Variants in UNC13D observed in about 807,000 individuals in gnomAD.
The protein encoded by UNC13D is unc-13 homolog D.
Under a neutral mutation model 151.7 loss-of-function variants are expected in UNC13D, and 115 were observed. That is an observed-to-expected ratio of 0.76 (90% CI 0.65 to 0.88). The LOEUF is 0.88. Among genes scored for constraint, UNC13D ranks in the 40% least tolerant of loss-of-function variants. The pLI is 0.00. For missense variants in UNC13D, 1,369 were observed against 1,438.7 expected (o/e 0.95, Z 0.78); for synonymous variants, 588 against 612.2 (o/e 0.96, Z 0.58).
At position 75,830,039 on chromosome 17, in the gene UNC13D, C is replaced by T. The variant is rs35628234; in HGVS notation, c.2943G>A (p.Glu981=). Residue 981 remains glutamate (E), a synonymous_variant, in exon 30 of 32, where the codon GAG becomes GAA. Coordinates refer to ENST00000207549, the MANE Select transcript of UNC13D (RefSeq NM_199242.3). Reference sequence around the variant, plus strand: ...CGGGACCCACTCACAATTCAAAGGTCTCATCAAACAATGGGTGAAGGTCCT... The same window carrying T: ...CGGGACCCACTCACAATTCAAAGGTTTCATCAAACAATGGGTGAAGGTCCT... The part of the protein sequence containing the change: ...HKKDLHPLFD[E]TFEFLVPAEP... 0.049 allele frequency: 77,987 copies of T among 1,577,316 alleles called. 2,567 individuals are homozygous for T. Among genetic ancestry groups the T allele is most frequent in the African/African-American group, 0.14 (10,752 of 74,552 alleles).
rs1315846484 is a variant in UNC13D, at chr17:75,832,832, A to AG, written c.2447+133dup. 1 of 770,378 alleles carries AG rather than the reference A, an allele frequency of 1.3e-6. No homozygotes were observed. Among genetic ancestry groups the AG allele is most frequent in the East Asian group, 2.8e-5 (1 of 35,496 alleles). The allele number at this position is 770,378 out of a possible 1,614,324, so 47.7% of individuals were successfully genotyped here. On this transcript the variant is annotated intron_variant, in intron 25 of 31. Coordinates refer to ENST00000207549, the MANE Select transcript of UNC13D (RefSeq NM_199242.3). The surrounding 1 kb of genome is among the most constrained non-coding windows in gnomAD (Gnocchi z 4.3). The stretch of plus-strand genomic sequence containing the variant: ...CAGGAAAGAGGGGCCGTGGGAGGAG[A>AG]GGGGGAGGTGGCGAGCGCGCCCAGG...
At chr17:75,842,786 C>T in intron 5 of UNC13D, 71 bp downstream of exon 5, 1 of 1,605,906 alleles carries the variant, frequency 6.2e-7, no homozygotes, top group African/African-American at 1.3e-5. Context: ...CGCCAAGAGT[C>T]CTGGGCCAGG....
Position 75,840,170 on chromosome 17 carries a change from C to T in UNC13D, c.858+55G>A. On this transcript the variant is annotated intron_variant, in intron 10 of 31. Transcript: ENST00000207549. The surrounding 1 kb of genome is among the most constrained non-coding windows in gnomAD (Gnocchi z 4.6). ...ACACTGGGTGCAGCCAGCCCCGCAA[C>T]CCAGCAGACCGCCGCAAGAGCTGGG... 4 of 1,612,250 alleles carry T rather than the reference C, an allele frequency of 2.5e-6. No individual in the cohort carries two copies. Among genetic ancestry groups the T allele is most frequent in the Non-Finnish European group, 3.4e-6 (4 of 1,179,154 alleles).
At position 75,827,487 on chromosome 17, in the gene UNC13D, C is replaced by T. The variant is rs905634237; in HGVS notation, c.*478G>A. The T allele has an allele frequency of 3.3e-6, 5 of 1,493,646 alleles. No homozygotes were observed. Among genetic ancestry groups the T allele is most frequent in the Non-Finnish European group, 4.4e-6 (5 of 1,123,796 alleles). The allele number at this position is 1,493,646 out of a possible 1,614,324, so 92.5% of individuals were successfully genotyped here. A position where few individuals can be genotyped will look rare whatever the true frequency, so the allele number is the denominator to read the frequency against. On this transcript the variant is annotated 3_prime_UTR_variant, in exon 32 of 32. Coordinates refer to ENST00000207549, the MANE Select transcript of UNC13D (RefSeq NM_199242.3). Reference sequence around the variant, plus strand: ...GGCCCCCTCTAGTAATGGCCACCACCCTCCCCCCAGGGCAGCTGGAGCCTC... The same window carrying T: ...GGCCCCCTCTAGTAATGGCCACCACTCTCCCCCCAGGGCAGCTGGAGCCTC...
At position 75,844,386 on chromosome 17, in the gene UNC13D, C is replaced by CGAA; in HGVS notation, c.-52_-50dup. ...GTCCGCTGGTGCTGGGTGAAGACAG[C>CGAA]GAAGCCACAGGATTATGCAAAGAGC... On this transcript the variant is annotated 5_prime_UTR_variant, in exon 1 of 32. Transcript: ENST00000207549. 6.4e-7 allele frequency: 1 copy of CGAA among 1,558,160 alleles called. No homozygotes were observed.
chr17:75,843,843 A>G, intron 1 of UNC13D: 1 of 1,372,282 alleles, frequency 7.3e-7, no homozygotes, highest in Non-Finnish European at 9.4e-7. Flanking sequence ...GAGGCTCGGC[A>G]GCGGAGGTGA....
intron 20 of UNC13D, 117 bp downstream of exon 20, chr17:75,835,292 C>T: frequency 7.0e-7 from 1 of 1,427,850 alleles, no homozygotes; most frequent in Non-Finnish European, 9.5e-7. Context: ...CTCAAGTGCA[C>T]CCAAAAGGGA....
intron 29 of UNC13D, 48 bp from the exon 30 acceptor site, chr17:75,830,199 C>T (rs1226098473): frequency 1.3e-6 from 2 of 1,569,656 alleles, no homozygotes; most frequent in African/African-American, 1.4e-5. Flanking sequence ...CTCCCAGGCA[C>T]CCCACCCCAG....
intron 21 of UNC13D, 47 bp from the exon 22 acceptor site, chr17:75,834,763 C>A (rs780223772): frequency 1.2e-6 from 2 of 1,609,052 alleles, no homozygotes; most frequent in Non-Finnish European, 1.7e-6. Flanking sequence ...GTGGGGCATC[C>A]AGGAAGGGCA....
chr17:75,831,164 C>T lies in UNC13D; in HGVS notation c.2559G>A (p.Leu853=). 1 of 1,614,106 alleles carries T rather than the reference C, an allele frequency of 6.2e-7. No individual in the cohort carries two copies. The highest frequency in any genetic ancestry group is 8.5e-7 in the Non-Finnish European group (1 of 1,180,050). ...SNRLKIALQN[L]EICFHAEGCG... ...AGCCCTCAGCGTGGAAGCAGATCTC[C>T]AGGTTCTGGGGGAGATATCAGAGGT... Residue 853 remains leucine, a synonymous_variant, in exon 27 of 32, where the codon CTG becomes CTA. Transcript: ENST00000207549.
intron 25 of UNC13D, 34 bp from the exon 26 acceptor site, chr17:75,831,382 C>T (rs1567817240): frequency 8.2e-6 from 13 of 1,583,992 alleles, no homozygotes; most frequent in South Asian, 2.2e-5. Context: ...GGACACAGCA[C>T]GGCAGGGCGG....
chr17:75,841,413 G>A (rs1363552418), intron 6 of UNC13D, among the ~76,000 whole-genome samples: 1 of 149,000 alleles, frequency 6.7e-6, no homozygotes, highest in South Asian at 2.1e-4. Flanking sequence ...AAAGTGCTGG[G>A]ATTACAAGCG....
In UNC13D at chr17:75,840,242, G is replaced by C. The variant is rs2064938286; in HGVS notation, c.841C>G (p.Gln281Glu). The C allele has an allele frequency of 2.5e-6, 4 of 1,614,036 alleles. No homozygotes were observed. Among genetic ancestry groups the C allele is most frequent in the Non-Finnish European group, 2.5e-6 (3 of 1,180,020 alleles). The change falls in exon 10 of 32, where the codon CAA (glutamine) becomes GAA (glutamate). Residue 281 changes from glutamine (Q) to glutamate (E), a missense_variant. Physicochemically the swap from Gln to Glu is conservative, Grantham distance 29. This residue lies in a region of UNC13D where 550 missense variants were observed against 609.0 expected (regional missense o/e 0.90). Coordinates refer to ENST00000207549, the MANE Select transcript of UNC13D (RefSeq NM_199242.3). This position sits in a 1 kb window ranked among gnomAD's most constrained non-coding sequence, Gnocchi z 4.6. Reference sequence around the variant, plus strand: ...CGACCTACCCGCTTATGGATGAGTTGGAACTGGAGGTGGCACTGGCCTCGG... The same window carrying C: ...CGACCTACCCGCTTATGGATGAGTTCGAACTGGAGGTGGCACTGGCCTCGG... ...PDRGQCHLQF[Q>E]LIHKRRATSA...
At position 75,827,835 on chromosome 17, in the gene UNC13D, C is replaced by A. The variant is rs768338222; in HGVS notation, c.*130G>T. ...AGGGGAGGTCTGCACTCTGGGCACT[C>A]CGCATGCTGGGGCTCCCCAAGTGTT... On this transcript the variant is annotated 3_prime_UTR_variant, in exon 32 of 32. Transcript: ENST00000207549. 6.6e-5 allele frequency: 99 copies of A among 1,508,974 alleles called. No homozygotes were observed. Among genetic ancestry groups the A allele is most frequent in the Non-Finnish European group, 5.9e-5 (67 of 1,129,296 alleles). The allele number at this position is 1,508,974 out of a possible 1,614,324, so 93.5% of individuals were successfully genotyped here.
intron 25 of UNC13D, 42 bp from the exon 26 acceptor site, chr17:75,831,390 C>CGGT (rs1567817247): frequency 6.4e-7 from 1 of 1,571,492 alleles, no homozygotes; most frequent in Admixed American, 1.7e-5. Flanking sequence ...CACGGCAGGG[C>CGGT]GGTGGCGGAG....
chr17:75,835,443 A>G lies in UNC13D; in HGVS notation c.1814T>C (p.Leu605Pro). 2.5e-6 allele frequency: 4 copies of G among 1,612,806 alleles called. No homozygotes were observed. Among genetic ancestry groups the G allele is most frequent in the Non-Finnish European group, 3.4e-6 (4 of 1,179,748 alleles). ...CTGCACAGCGCGCTGCACCCGCGCCAGGGCCTCGTTGTACGTCTTCTGCAG... is the reference window on the plus strand; with the variant it reads ...CTGCACAGCGCGCTGCACCCGCGCCGGGGCCTCGTTGTACGTCTTCTGCAG... ...SWLQKTYNEA[L>P]ARVQRAVQMD... Residue 605 changes from leucine (L) to proline (P), a missense_variant, in exon 20 of 32, where the codon CTG (leucine) becomes CCG (proline). Physicochemically the swap from Leu to Pro is moderately conservative, Grantham distance 98 (BLOSUM62 -3). Around this residue, in one of 3 missense-constraint regions of UNC13D, gnomAD observed 807 missense variants for 795.5 expected, o/e 1.01. Transcript: ENST00000207549.
In UNC13D at chr17:75,836,611, G is replaced by A. The variant is rs1362264133; in HGVS notation, c.1259C>T (p.Ser420Phe). 6.2e-7 allele frequency: 1 copy of A among 1,613,826 alleles called. No homozygotes were observed. Among genetic ancestry groups the A allele is most frequent in the Non-Finnish European group, 8.5e-7 (1 of 1,180,024 alleles). ...CAGCCGGGCTGGGGAGTCCGAGACAGAGAGGGGGAAGACAGAGCGGAACCT... is the reference window on the plus strand; with the variant it reads ...CAGCCGGGCTGGGGAGTCCGAGACAAAGAGGGGGAAGACAGAGCGGAACCT... The part of the protein sequence containing the change: ...IRRFRSVFPL[S>F]VSDSPARLQS... Residue 420 changes from serine (S) to phenylalanine (F), a missense_variant, in exon 14 of 32, where the codon TCT (serine) becomes TTT (phenylalanine). Ser to Phe is a radical substitution (Grantham distance 155). This residue lies in a region of UNC13D where 550 missense variants were observed against 609.0 expected (regional missense o/e 0.90). Coordinates refer to ENST00000207549, the MANE Select transcript of UNC13D (RefSeq NM_199242.3).
Position 75,840,324 on chromosome 17 carries a change from C to T in UNC13D, c.759G>A (p.Leu253=). ...GGTACCACTGGTCCTCTCGGCAGCG[C>T]AGGTCCTGACAGGCGGGGATGCCCA... ...LGNVVLRLQD[L]RCREDQWYPL... Residue 253 remains leucine, a synonymous_variant, in exon 10 of 32, where the codon CTG becomes CTA. Transcript: ENST00000207549. The surrounding 1 kb of genome is among the most constrained non-coding windows in gnomAD (Gnocchi z 4.6). 1.9e-6 allele frequency: 3 copies of T among 1,613,580 alleles called. No individual in the cohort carries two copies. Among genetic ancestry groups the T allele is most frequent in the Non-Finnish European group, 2.5e-6 (3 of 1,179,978 alleles).
rs200368297 is a variant in UNC13D, at chr17:75,840,184, G to A, written c.858+41C>T. 2.1e-5 allele frequency: 34 copies of A among 1,612,226 alleles called. No homozygotes were observed. The highest frequency in any genetic ancestry group is 9.9e-5 in the South Asian group (9 of 90,972). On this transcript the variant is annotated intron_variant, in intron 10 of 31. Transcript: ENST00000207549. The surrounding 1 kb of genome is among the most constrained non-coding windows in gnomAD (Gnocchi z 4.6). ...CAGCCCCGCAACCCAGCAGACCGCC[G>A]CAAGAGCTGGGCATGGCCACTGGCC...
Sources: gnomAD v4.1 joint callset for allele counts (sites outside exome capture counted in the v4.1 genomes callset) on GRCh38, gnomAD v4.1.1 for gene constraint, gnomAD v4.1.1 regional missense constraint, Gnocchi (gnomAD v3.1) non-coding constraint, MANE v1.5 for transcripts, NCBI Gene and HGNC (gene_info 2026-07-23, HGNC 2026-07-21) for gene names.